Variants in SGF29 observed in about 807,000 individuals in gnomAD.
The protein encoded by SGF29 is SAGA complex associated factor 29, also known as SAGA-associated factor 29.
In SGF29, 15 loss-of-function variants were observed where a neutral mutation model predicts 38.1. The ratio of observed to expected loss-of-function variants is 0.39; its 90% confidence interval spans 0.26 to 0.61. The LOEUF (loss-of-function observed/expected upper bound fraction) is 0.61. SGF29 is among the 20% of genes least tolerant of loss of function. The pLI is 0.49. For missense variants in SGF29, 184 were observed against 394.6 expected (o/e 0.47, Z 4.52); for synonymous variants, 151 against 160.8 (o/e 0.94, Z 0.46).
At chr16:28,584,804 A>AT in intron 2 of SGF29, 109 bp from the exon 3 acceptor site, 1 of 687,818 alleles carries the variant, frequency 1.5e-6, no homozygotes, top group Non-Finnish European at 2.4e-6. Flanking sequence ...AAAAAAAAAA[A>AT]AAAGAAAATG....
chr16:28,564,540 T>C (rs1403310232), intron 1 of SGF29, among the ~76,000 whole-genome samples: 2 of 84,590 alleles, frequency 2.4e-5, no homozygotes, highest in Non-Finnish European at 5.3e-5. Context: ...TATATATATG[T>C]ATATATATAC....
Position 28,590,519 on chromosome 16 carries a change from G to A in SGF29, c.566+77G>A, listed in dbSNP as rs2046982712. The A allele has an allele frequency of 6.2e-7, 1 of 1,612,812 alleles. No individual in the cohort carries two copies. Among genetic ancestry groups the A allele is most frequent in the Non-Finnish European group, 8.5e-7 (1 of 1,179,512 alleles). ...CTACGGGAGAAAAGCTCTGCAGAGG[G>A]TGCTCCCCAGAGGCTGGTTGTGCAG... On this transcript the variant is annotated intron_variant, in intron 7 of 9. Coordinates refer to ENST00000317058, the MANE Select transcript of SGF29 (RefSeq NM_138414.3). This position sits in a 1 kb window ranked among gnomAD's most constrained non-coding sequence, Gnocchi z 8.2.
intron 5 of SGF29, 130 bp downstream of exon 5, chr16:28,589,294 G>C: frequency 1.1e-6 from 1 of 882,344 alleles, no homozygotes. Context: ...GGCTCTGGCA[G>C]ACTGGCTCTA....
intron 1 of SGF29, among the ~76,000 whole-genome samples, chr16:28,571,738 A>G (rs1253137051): frequency 6.6e-6 from 1 of 152,162 alleles, no homozygotes; most frequent in East Asian, 1.9e-4. Context: ...AGTTTGGAAG[A>G]GTCAATGTAA....
intron 1 of SGF29, among the ~76,000 whole-genome samples, chr16:28,564,808 A>AAC (rs1161981851): frequency 1.0e-3 from 137 of 134,146 alleles, no homozygotes; most frequent in Middle Eastern, 3.8e-3. Context: ...CACACACACA[A>AAC]ACACACACAC....
intron 1 of SGF29, among the ~76,000 whole-genome samples, chr16:28,559,446 C>T (rs529728707): frequency 1.2e-4 from 18 of 152,216 alleles, no homozygotes; most frequent in African/African-American, 3.9e-4. Flanking sequence ...TGCAGTGGTG[C>T]GATTTTGGCT....
chr16:28,590,818 G>A lies in SGF29; in HGVS notation c.648G>A (p.Trp216Ter). The A allele has an allele frequency of 6.2e-7, 1 of 1,614,024 alleles. No homozygotes were observed. Among genetic ancestry groups the A allele is most frequent in the South Asian group, 1.1e-5 (1 of 91,084 alleles). Residue 216 changes from tryptophan to a stop codon, truncating the protein, a stop_gained, in exon 9 of 10, where the codon TGG becomes TGA. Transcript: ENST00000317058. LOFTEE classifies it high-confidence loss of function. This position sits in a 1 kb window ranked among gnomAD's most constrained non-coding sequence, Gnocchi z 8.2. ...GCCGTGTCATCCCGCTGCCCCAGTG[G>A]AAGGCCAACCCGGAGACGGACCCTG... ...SRRRVIPLPQWKANPETDPEA... is the reference protein window; with the variant it reads ...SRRRVIPLPQ
Position 28,566,642 on chromosome 16 carries a change from G to A in SGF29, c.-16+12545G>A, listed in dbSNP as rs899892052. On this transcript the variant is annotated intron_variant, in intron 1 of 9. Transcript: ENST00000317058. ...TCATCTCTACAAAAATTACCTGGGC[G>A]TGGTGGTACACACCTGTAGTCCCAG... Among the ~76,000 whole-genome samples, 7 of 152,048 alleles carry A rather than the reference G, an allele frequency of 4.6e-5. No individual in the cohort carries two copies. In the South Asian group the frequency reaches 1.5e-3, roughly 32 times the overall value.
chr16:28,577,830 C>G (rs575647262), intron 1 of SGF29, among the ~76,000 whole-genome samples: 1 of 152,300 alleles, frequency 6.6e-6, no homozygotes, highest in African/African-American at 2.4e-5. Flanking sequence ...CAGATTCATT[C>G]TTTTACATGT....
intron 1 of SGF29, among the ~76,000 whole-genome samples, chr16:28,570,740 G>C (rs985342483): frequency 2.6e-5 from 4 of 151,742 alleles, no homozygotes; most frequent in Non-Finnish European, 5.9e-5. Context: ...ATCATGCCCA[G>C]CTAATTTTTG....
At chr16:28,583,519 G>A (rs1042710624) in intron 2 of SGF29, among the ~76,000 whole-genome samples, 3 of 152,152 alleles carry the variant, frequency 2.0e-5, no homozygotes, top group Admixed American at 6.6e-5. Context: ...AGGTAAAGGC[G>A]CAACCCACCC....
intron 1 of SGF29, among the ~76,000 whole-genome samples, chr16:28,569,944 A>G (rs969934303): frequency 6.6e-6 from 1 of 152,210 alleles, no homozygotes; most frequent in Non-Finnish European, 1.5e-5. Context: ...TGGTGCACAG[A>G]ATACACAAGC....
intron 1 of SGF29, among the ~76,000 whole-genome samples, chr16:28,573,661 A>ACAAATGAAGAC (rs1281189091): frequency 1.8e-4 from 28 of 152,210 alleles, no homozygotes; most frequent in Non-Finnish European, 3.8e-4. Context: ...AGTTCAGAAC[A>ACAAATGAAGAC]CAAATGAAGA....
chr16:28,570,574 T>G lies in SGF29; in HGVS notation c.-15-10481T>G, dbSNP rs1005745656. Among the ~76,000 whole-genome samples the G allele has an allele frequency of 4.1e-5, 6 of 144,704 alleles. No homozygotes were observed. The East Asian group carries it at 1.4e-3, about 34-fold the overall frequency. 94.9% of individuals were successfully genotyped at this position (144,704 alleles called of 152,430 possible). A position where few individuals can be genotyped will look rare whatever the true frequency, so the allele number is the denominator to read the frequency against. ...TTTATTTATTTATTTATTTATTTATTTATTTATTTATTTATTTAGCGAGAG... is the reference window on the plus strand; with the variant it reads ...TTTATTTATTTATTTATTTATTTATGTATTTATTTATTTATTTAGCGAGAG... On this transcript the variant is annotated intron_variant, in intron 1 of 9. Transcript: ENST00000317058.
At chr16:28,564,074 CATGAGACAGTGAG>C (rs1337783661) in intron 1 of SGF29, among the ~76,000 whole-genome samples, 1 of 152,074 alleles carries the variant, frequency 6.6e-6, no homozygotes, top group Non-Finnish European at 1.5e-5. Flanking sequence ...TGAACAACCA[CATGAGACAGTGAG>C]ACAGGTGATG....
chr16:28,584,588 GA>G (rs1227352586), intron 2 of SGF29, among the ~76,000 whole-genome samples: 1 of 152,142 alleles, frequency 6.6e-6, no homozygotes, highest in Non-Finnish European at 1.5e-5. Flanking sequence ...AGGAGATCGA[GA>G]CCATCCTGGC....
intron 1 of SGF29, among the ~76,000 whole-genome samples, chr16:28,578,458 T>C (rs1036569112): frequency 1.2e-4 from 18 of 152,118 alleles, no homozygotes; most frequent in African/African-American, 4.1e-4. Context: ...AAGTCTGATG[T>C]TCGTTGTGGG....
chr16:28,564,763 GTATATATATGTATATATA>G lies in SGF29; in HGVS notation c.-16+10673_-16+10690del, dbSNP rs1367004654. ...TATATATGTATATATATGTATATAT[GTATATATATGTATATATA>G]TATATACACACACACACACACACAC... On this transcript the variant is annotated intron_variant, in intron 1 of 9. Coordinates refer to ENST00000317058, the MANE Select transcript of SGF29 (RefSeq NM_138414.3). 1.7e-4 allele frequency among the ~76,000 whole-genome samples: 6 copies of G among 35,670 alleles called. No individual in the cohort carries two copies. The East Asian group carries it at 3.4e-3, about 20-fold the overall frequency. The allele number at this position is 35,670 out of a possible 152,430, so 23.4% of individuals were successfully genotyped here.
intron 1 of SGF29, among the ~76,000 whole-genome samples, chr16:28,572,116 A>G (rs1183400224): frequency 6.6e-6 from 1 of 151,078 alleles, no homozygotes; most frequent in Non-Finnish European, 1.5e-5. Flanking sequence ...AGCTGGGACC[A>G]CAGGCACCCA....
Sources: allele counts gnomAD v4.1 joint callset (sites outside exome capture counted in the v4.1 genomes callset), GRCh38; gene constraint gnomAD v4.1.1; non-coding constraint Gnocchi (gnomAD v3.1); transcripts MANE v1.5; gene names NCBI Gene and HGNC (gene_info 2026-07-23, HGNC 2026-07-21).